Variants in AS3MT observed in about 807,000 individuals in gnomAD.
The protein encoded by AS3MT is arsenite methyltransferase.
In AS3MT, 47 loss-of-function variants were observed where a neutral mutation model predicts 45.3. That is an observed-to-expected ratio of 1.04 (90% CI 0.82 to 1.32). The LOEUF is 1.32. Among genes scored for constraint, AS3MT ranks in the 40% most tolerant of loss-of-function variants. The probability of loss-of-function intolerance (pLI) is 0.00; values close to 1 mark genes in which losing one functional copy is unlikely to be tolerated. For missense variants in AS3MT, 396 were observed against 451.1 expected (o/e 0.88, Z 1.11); for synonymous variants, 141 against 152.8 (o/e 0.92, Z 0.57).
At chr10:102,892,514 A>G (rs1845086838) in intron 10 of AS3MT, among the ~76,000 whole-genome samples, 1 of 152,176 alleles carries the variant, frequency 6.6e-6, no homozygotes, top group East Asian at 1.9e-4. Flanking sequence ...CTGGGTTATT[A>G]TGTGTGTGGC....
chr10:102,901,819 G>A lies in AS3MT; in HGVS notation c.*1119G>A, dbSNP rs927102473. On this transcript the variant is annotated 3_prime_UTR_variant, in exon 11 of 11. Coordinates refer to ENST00000369880, the MANE Select transcript of AS3MT (RefSeq NM_020682.4). The stretch of plus-strand genomic sequence containing the variant: ...GATTGCCAAATCATGTTTGGTAGGA[G>A]GACTTTTGAGGTAGCTTTTGAACAA... 1 of 152,028 alleles carries A rather than the reference G, an allele frequency of 6.6e-6. No homozygotes were observed. Among genetic ancestry groups the A allele is most frequent in the Non-Finnish European group, 1.5e-5 (1 of 68,000 alleles). The allele number at this position is 152,028 out of a possible 1,614,324, so 9.4% of individuals were successfully genotyped here.
At chr10:102,875,921 T>C (rs555213904) in intron 6 of AS3MT, among the ~76,000 whole-genome samples, 1 of 151,684 alleles carries the variant, frequency 6.6e-6, no homozygotes, top group South Asian at 2.1e-4. Context: ...CTGGCCAAAA[T>C]TTTTTTTTAA....
intron 10 of AS3MT, among the ~76,000 whole-genome samples, chr10:102,898,119 T>C (rs889829916): frequency 6.6e-6 from 1 of 152,090 alleles, no homozygotes; most frequent in Non-Finnish European, 1.5e-5. Flanking sequence ...CTTATCTTTT[T>C]TTTTTTTTTC....
At chr10:102,872,687 A>G (rs1844713323) in intron 4 of AS3MT, 89 bp downstream of exon 4, 6 of 1,396,736 alleles carry the variant, frequency 4.3e-6, no homozygotes, top group Non-Finnish European at 5.8e-6. Flanking sequence ...CTCTTCAAGG[A>G]TAATTTAAGA....
In AS3MT at chr10:102,878,442, T is replaced by C. The variant is rs1844821528; in HGVS notation, c.674T>C (p.Phe225Ser). 5.0e-6 allele frequency: 8 copies of C among 1,614,032 alleles called. No individual in the cohort carries two copies. The highest frequency in any genetic ancestry group is 1.3e-5 in the African/African-American group (1 of 74,900). Residue 225 changes from phenylalanine to serine, a missense_variant, in exon 8 of 11, where the codon TTC becomes TCC. Phe to Ser is a radical substitution (Grantham distance 155). Coordinates refer to ENST00000369880, the MANE Select transcript of AS3MT (RefSeq NM_020682.4). ...GCTGTCCTTGCTCAAAAAATTGGGT[T>C]CTGCCCTCCACGTTTGGTCACTGCC... is the stretch of plus-strand genomic sequence containing the variant. ...ELAVLAQKIGFCPPRLVTANL... is the reference protein window; with the variant it reads ...ELAVLAQKIGSCPPRLVTANL...
At chr10:102,887,001 T>C (rs1844970049) in intron 9 of AS3MT, among the ~76,000 whole-genome samples, 1 of 152,264 alleles carries the variant, frequency 6.6e-6, no homozygotes, top group Non-Finnish European at 1.5e-5. Flanking sequence ...GCTTCTGCTG[T>C]ATCCCATAGA....
Position 102,870,095 on chromosome 10 carries a change from G to A in AS3MT, c.54G>A (p.Gly18=), listed in dbSNP as rs1179432028. Residue 18 remains glycine, a synonymous_variant, in exon 3 of 11, where the codon GGG becomes GGA. Transcript: ENST00000369880. ...EIQKDVQTYY[G]QVLKRSADLQ... is the part of the protein sequence containing the mutation. ...GGACGCTGGGTCAGACCTACTACGGGCAGGTGCTGAAGAGATCGGCAGACC... is the reference window on the plus strand; with the variant it reads ...GGACGCTGGGTCAGACCTACTACGGACAGGTGCTGAAGAGATCGGCAGACC... 6.2e-7 allele frequency: 1 copy of A among 1,613,874 alleles called. No individual in the cohort carries two copies. Among genetic ancestry groups the A allele is most frequent in the East Asian group, 2.2e-5 (1 of 44,894 alleles).
At chr10:102,883,383 G>C (rs112621005) in intron 9 of AS3MT, among the ~76,000 whole-genome samples, 341 of 151,526 alleles carry the variant, frequency 2.3e-3, no homozygotes, top group African/African-American at 7.7e-3. Context: ...TTATAGATGT[G>C]AGCCACTGTG....
chr10:102,899,259 GGGAT>G (rs1480220456), intron 10 of AS3MT, among the ~76,000 whole-genome samples: 12 of 152,222 alleles, frequency 7.9e-5, no homozygotes, highest in African/African-American at 2.9e-4. Flanking sequence ...CCAGAGTGCT[GGGAT>G]TACTCCCAGA....
Position 102,870,159 on chromosome 10 carries a change from C to T in AS3MT, c.118C>T (p.Pro40Ser), listed in dbSNP as rs1326205388. The T allele has an allele frequency of 6.2e-7, 1 of 1,614,192 alleles. No homozygotes were observed. The highest frequency in any genetic ancestry group is 1.7e-5 in the Admixed American group (1 of 60,020). Residue 40 changes from proline (P) to serine (S), a missense_variant, in exon 3 of 11, where the codon CCC becomes TCC. Transcript: ENST00000369880. ...NGCVTTARPV[P>S]KHIREALQNV... is the part of the protein sequence containing the mutation. ...CTGTGTCACCACAGCCAGGCCGGTC[C>T]CCAAGCACATCCGGGAAGCCTTGCA...
In AS3MT at chr10:102,873,114, G is replaced by A. The variant is rs1666940648; in HGVS notation, c.339G>A (p.Lys113=). 2.5e-6 allele frequency: 4 copies of A among 1,591,994 alleles called. No homozygotes were observed. The highest frequency in any genetic ancestry group is 3.4e-6 in the Non-Finnish European group (4 of 1,173,966). The part of the protein sequence containing the change: ...MTKGQVEVAE[K]YLDYHMEKYG... ...TACTTTAGGTGGAAGTGGCTGAAAA[G>A]TATCTTGACTATCACATGGAAAAAT... The change falls in exon 5 of 11, where the codon AAG becomes AAA. Residue 113 remains lysine (K), a synonymous_variant. Coordinates refer to ENST00000369880, the MANE Select transcript of AS3MT (RefSeq NM_020682.4).
intron 10 of AS3MT, among the ~76,000 whole-genome samples, chr10:102,900,273 A>C (rs1845249465): frequency 6.6e-6 from 1 of 152,228 alleles, no homozygotes. Context: ...TCCGTATCTC[A>C]GTTCCAAAGA....
chr10:102,884,262 G>C (rs1844912861), intron 9 of AS3MT, among the ~76,000 whole-genome samples: 1 of 151,848 alleles, frequency 6.6e-6, no homozygotes, highest in Non-Finnish European at 1.5e-5. Context: ...TTACAGGCGC[G>C]AGGTGCCCAG....
At chr10:102,884,119 T>C (rs188305585) in intron 9 of AS3MT, among the ~76,000 whole-genome samples, 48 of 151,698 alleles carry the variant, frequency 3.2e-4, no homozygotes, top group Middle Eastern at 3.4e-3. Context: ...GCTGGGACTA[T>C]AGGTGTGTGC....
intron 10 of AS3MT, among the ~76,000 whole-genome samples, chr10:102,898,043 G>T (rs1845207409): frequency 6.6e-6 from 1 of 152,066 alleles, no homozygotes; most frequent in Non-Finnish European, 1.5e-5. Context: ...ACTGAAGGAA[G>T]ATTTTAATAA....
At chr10:102,891,183 G>A (rs1845064401) in intron 10 of AS3MT, among the ~76,000 whole-genome samples, 1 of 152,174 alleles carries the variant, frequency 6.6e-6, no homozygotes, top group Non-Finnish European at 1.5e-5. Context: ...AGGTGTTTCT[G>A]TTTATTGGGA....
At chr10:102,889,285 T>G (rs1845020364) in intron 9 of AS3MT, among the ~76,000 whole-genome samples, 1 of 152,162 alleles carries the variant, frequency 6.6e-6, no homozygotes, top group Non-Finnish European at 1.5e-5. Flanking sequence ...CTCTCTATCT[T>G]AATGAGTTCC....
At chr10:102,872,725 T>C in intron 4 of AS3MT, 127 bp downstream of exon 4, 1 of 1,003,888 alleles carries the variant, frequency 1.0e-6, no homozygotes, top group Non-Finnish European at 1.4e-6. Context: ...TGCTCATTTG[T>C]GCCACTAGTG....
At chr10:102,875,831 C>G (rs879534888) in intron 6 of AS3MT, among the ~76,000 whole-genome samples, 1 of 151,970 alleles carries the variant, frequency 6.6e-6, no homozygotes. Context: ...CCATATTGGT[C>G]AGGCTGATCT....
Sources: gnomAD v4.1 joint callset for allele counts (sites outside exome capture counted in the v4.1 genomes callset) on GRCh38, gnomAD v4.1.1 for gene constraint, MANE v1.5 for transcripts, NCBI Gene and HGNC (gene_info 2026-07-23, HGNC 2026-07-21) for gene names.